SCIN: variants seen among roughly 807,000 people sequenced by gnomAD.
SCIN encodes scinderin.
SCIN carries 91 observed loss-of-function variants against 91.8 expected under a neutral mutation model. The ratio of observed to expected loss-of-function variants is 0.99; its 90% CI spans 0.84 to 1.18. The LOEUF (loss-of-function observed/expected upper bound fraction) is 1.18. SCIN is among the 50% of genes most tolerant of loss of function. The pLI is 0.00. For synonymous variants in SCIN, 367 were observed against 312.6 expected, an observed-to-expected ratio of 1.17 and a Z score of -1.84; for missense variants, 1,087 against 863.9, an observed-to-expected ratio of 1.26 and a Z score of -3.24.
At chr7:12,613,022 G>T (rs536976626) in intron 4 of SCIN, among the ~76,000 whole-genome samples, 1 of 152,248 alleles carries the variant, frequency 6.6e-6, no homozygotes, top group Non-Finnish European at 1.5e-5. Flanking sequence ...AATAGACTCT[G>T]TAAATAGGAT....
intron 8 of SCIN, among the ~76,000 whole-genome samples, chr7:12,627,537 C>G (rs1245897751): frequency 6.6e-6 from 1 of 152,184 alleles, no homozygotes; most frequent in Non-Finnish European, 1.5e-5. Context: ...AATATTTCAT[C>G]TCTATATTCC....
chr7:12,639,306 C>T (rs1783812630), intron 10 of SCIN, among the ~76,000 whole-genome samples: 1 of 152,200 alleles, frequency 6.6e-6, no homozygotes, highest in Non-Finnish European at 1.5e-5. Context: ...AAAACGTTTC[C>T]ATAATTTGCT....
chr7:12,592,008 G>C (rs1782734073), intron 3 of SCIN, among the ~76,000 whole-genome samples: 1 of 152,176 alleles, frequency 6.6e-6, no homozygotes, highest in Non-Finnish European at 1.5e-5. Flanking sequence ...CTGGGAGACA[G>C]GTTTAAGGAA....
intron 9 of SCIN, among the ~76,000 whole-genome samples, chr7:12,629,865 G>A (rs1285086772): frequency 1.3e-5 from 2 of 152,050 alleles, no homozygotes; most frequent in African/African-American, 4.8e-5. Flanking sequence ...AAGGGATAGG[G>A]ATTCTGCAAC....
At position 12,578,909 on chromosome 7, in the gene SCIN, G is replaced by GTTTTTTTTTTTTTT; in HGVS notation, c.354+693_354+706dup. On this transcript the variant is annotated intron_variant, in intron 2 of 15. Transcript: ENST00000297029. ...TAAGGCAGCCTTCAGTATAGGACAGGTTTTTTTTTTTTTTTGGCATCCTCC... is the reference window on the plus strand; with the variant it reads ...TAAGGCAGCCTTCAGTATAGGACAGGTTTTTTTTTTTTTTTTTTTTTTTTTTTTTGGCATCCTCC... 2.9e-3 allele frequency among the ~76,000 whole-genome samples: 248 copies of GTTTTTTTTTTTTTT among 85,840 alleles called. 34 individuals are homozygous for GTTTTTTTTTTTTTT. Among genetic ancestry groups the GTTTTTTTTTTTTTT allele is most frequent in the Middle Eastern group, 7.2e-3 (1 of 138 alleles). The allele number at this position is 85,840 out of a possible 152,430, so 56.3% of individuals were successfully genotyped here.
At position 12,581,139 on chromosome 7, in the gene SCIN, G is replaced by T. The variant is rs144832211; in HGVS notation, c.434G>T (p.Arg145Leu). ...TAKRLLHVKG[R>L]RVVRATEVPL... ...AAGAGGCTCCTACATGTGAAGGGTC[G>T]TAGAGTGGTGAGAGCCACAGAAGTT... The change falls in exon 3 of 16, where the codon CGT (arginine) becomes CTT (leucine). Residue 145 changes from arginine (R) to leucine (L), a missense_variant. Physicochemically the swap from Arg to Leu is moderately radical, Grantham distance 102. Coordinates refer to ENST00000297029, the MANE Select transcript of SCIN (RefSeq NM_001112706.3). 258 of 1,551,466 alleles carry T rather than the reference G, an allele frequency of 1.7e-4. 2 individuals carry two copies. In the African/African-American group the frequency reaches 3.0e-3, roughly 18 times the overall value.
intron 4 of SCIN, among the ~76,000 whole-genome samples, chr7:12,608,723 G>A (rs1048061012): frequency 4.0e-4 from 61 of 152,132 alleles, no homozygotes; most frequent in African/African-American, 1.4e-3. Context: ...GTGATCCGCC[G>A]GCCTTGGCCT....
chr7:12,625,202 T>C, intron 6 of SCIN, 60 bp downstream of exon 6: 3 of 1,351,008 alleles, frequency 2.2e-6, no homozygotes, highest in Non-Finnish European at 2.0e-6. Flanking sequence ...TCTATAAGGG[T>C]AAATAAAATA....
Position 12,570,934 on chromosome 7 carries a change from C to T in SCIN, c.148C>T (p.His50Tyr), listed in dbSNP as rs1166597963. The T allele has an allele frequency of 1.9e-6, 3 of 1,551,486 alleles. No homozygotes were observed. Among genetic ancestry groups the T allele is most frequent in the Non-Finnish European group, 2.6e-6 (3 of 1,146,938 alleles). The change falls in exon 1 of 16, where the codon CAC becomes TAC. Residue 50 changes from histidine to tyrosine, a missense_variant. His to Tyr is a moderately conservative substitution (Grantham distance 83). Coordinates refer to ENST00000297029, the MANE Select transcript of SCIN (RefSeq NM_001112706.3). Reference sequence around the variant, plus strand: ...CGTCGGGGATGCCTACCTGGTGCTGCACACGGCCAAGACGAGCCGAGGCTT... The same window carrying T: ...CGTCGGGGATGCCTACCTGGTGCTGTACACGGCCAAGACGAGCCGAGGCTT... Reference protein sequence around the residue: ...FYVGDAYLVLHTAKTSRGFTY... With the variant: ...FYVGDAYLVLYTAKTSRGFTY...
rs757009529 is a variant in SCIN at position 12,649,444 on chromosome 7, A to G, written c.1882-23A>G. The G allele has an allele frequency of 1.8e-5, 27 of 1,532,126 alleles. No homozygotes were observed. The African/African-American group carries it at 3.4e-4, about 19-fold the overall frequency. The allele number at this position is 1,532,126 out of a possible 1,614,324, so 94.9% of individuals were successfully genotyped here. On this transcript the variant is annotated intron_variant, in intron 13 of 15. Transcript: ENST00000297029. ...AAAATTACTGCTTTACTTTTTGCTC[A>G]TATAGCTTTTTATACCTTTCAGATT...
chr7:12,650,537 T>C (rs1348549210), intron 14 of SCIN, among the ~76,000 whole-genome samples: 21 of 152,328 alleles, frequency 1.4e-4, no homozygotes, highest in Non-Finnish European at 2.8e-4. Context: ...TCATGGTTTG[T>C]TCTGTTCCCT....
At chr7:12,652,037 T>A in intron 15 of SCIN, 136 bp downstream of exon 15, 1 of 595,446 alleles carries the variant, frequency 1.7e-6, no homozygotes, top group Non-Finnish European at 2.9e-6. Flanking sequence ...TCCTCAAAAC[T>A]AAAGAGTAAT....
chr7:12,612,411 G>T (rs1783210785), intron 4 of SCIN, among the ~76,000 whole-genome samples: 1 of 152,140 alleles, frequency 6.6e-6, no homozygotes, highest in Non-Finnish European at 1.5e-5. Context: ...ACTGCATATA[G>T]AGAAGAGATG....
chr7:12,603,719 T>C (rs1324882428), intron 3 of SCIN, among the ~76,000 whole-genome samples: 1 of 152,124 alleles, frequency 6.6e-6, no homozygotes, highest in Non-Finnish European at 1.5e-5. Flanking sequence ...TAATCTCTAC[T>C]ATATGTCACA....
chr7:12,652,511 C>G, intron 15 of SCIN, 77 bp from the exon 16 acceptor site: 1 of 1,314,880 alleles, frequency 7.6e-7, no homozygotes, highest in Non-Finnish European at 1.0e-6. Context: ...TACTTTTATT[C>G]GAAGAATTTT....
At chr7:12,642,413 C>A (rs1490212529) in intron 11 of SCIN, among the ~76,000 whole-genome samples, 1 of 152,056 alleles carries the variant, frequency 6.6e-6, no homozygotes, top group Non-Finnish European at 1.5e-5. Flanking sequence ...CAGAAACCTC[C>A]TGTCATTTCT....
In SCIN at chr7:12,581,239, A is replaced by G. The variant is rs554799663; in HGVS notation, c.516+18A>G. 25 of 1,546,828 alleles carry G rather than the reference A, an allele frequency of 1.6e-5. No homozygotes were observed. Among genetic ancestry groups the G allele is most frequent in the African/African-American group, 1.5e-4 (11 of 72,914 alleles). On this transcript the variant is annotated intron_variant, in intron 3 of 15. Transcript: ENST00000297029. ...TTGGCACCGTAAGTTTCATATATAC[A>G]CATCGATGTCTAAAGAAAAGTGAAT...
At chr7:12,596,249 A>C in intron 3 of SCIN, 1 of 413,364 alleles carries the variant, frequency 2.4e-6, no homozygotes, top group Non-Finnish European at 4.9e-6. Context: ...TGCCAACCTG[A>C]GTCTTTCTTC....
chr7:12,587,282 A>T (rs1782607190), intron 3 of SCIN, among the ~76,000 whole-genome samples: 1 of 152,220 alleles, frequency 6.6e-6, no homozygotes, highest in African/African-American at 2.4e-5. Flanking sequence ...GTTTGAACTT[A>T]TCCTACCCAT....
Sources: gnomAD v4.1 joint callset for allele counts (sites outside exome capture counted in the v4.1 genomes callset) on GRCh38, gnomAD v4.1.1 for gene constraint, MANE v1.5 for transcripts, NCBI Gene and HGNC (gene_info 2026-07-23, HGNC 2026-07-21) for gene names.